The following MYCBP2 variants were observed in gnomAD, a reference collection of about 807,000 sequenced individuals.
MYCBP2 encodes the protein MYC binding protein 2.
MYCBP2 carries 120 observed loss-of-function variants against 525.3 expected under a neutral mutation model. That is an observed-to-expected ratio of 0.23 (90% CI 0.20 to 0.27). MYCBP2 has a LOEUF of 0.27. MYCBP2 is among the 10% of genes least tolerant of loss of function. The probability of loss-of-function intolerance (pLI) is 1.00; values close to 1 mark genes in which losing one functional copy is unlikely to be tolerated. For missense variants in MYCBP2, 4,149 were observed against 5,657.1 expected (o/e 0.73, Z 8.55); for synonymous variants, 1,894 against 1,955.8 (o/e 0.97, Z 0.83).
At position 77,175,503 on chromosome 13, in the gene MYCBP2, T is replaced by A. The variant is rs1381725120; in HGVS notation, c.5472+994A>T. Among the ~76,000 whole-genome samples the A allele has an allele frequency of 2.6e-5, 4 of 152,330 alleles. No homozygotes were observed. In the East Asian group the frequency reaches 7.7e-4, roughly 29 times the overall value. Reference sequence around the variant, plus strand: ...TTTCACAATAAAAGCTTTTTGGTTTTTCAGTATCTAAATTCTTCCTGATGA... The same window carrying A: ...TTTCACAATAAAAGCTTTTTGGTTTATCAGTATCTAAATTCTTCCTGATGA... On this transcript the variant is annotated intron_variant, in intron 36 of 82. Coordinates refer to ENST00000544440, the MANE Select transcript of MYCBP2 (RefSeq NM_015057.5).
rs570505691 is a variant in MYCBP2 at position 77,138,423 on chromosome 13, A to C, written c.7659+773T>G. ...GTTTGATACAATAAGCTAACTTTAT[A>C]AACGGATTTTTAAGAAATTCAACTG... On this transcript the variant is annotated intron_variant, in intron 52 of 82. Transcript: ENST00000544440. 4.8e-4 allele frequency among the ~76,000 whole-genome samples: 73 copies of C among 152,354 alleles called. 1 individual carries two copies. Among genetic ancestry groups the C allele is most frequent in the Admixed American group, 4.7e-3 (72 of 15,306 alleles).
At chr13:77,071,271 G>GCGCACA (rs375003621) in intron 68 of MYCBP2, among the ~76,000 whole-genome samples, 88 of 142,734 alleles carry the variant, frequency 6.2e-4, no homozygotes, top group African/African-American at 2.0e-3. Context: ...GTGTGCACAC[G>GCGCACA]CACACACACA....
intron 14 of MYCBP2, 44 bp from the exon 15 acceptor site, chr13:77,251,399 A>T: frequency 6.6e-7 from 1 of 1,522,712 alleles, no homozygotes; most frequent in Non-Finnish European, 9.1e-7. Context: ...GGTTACTTTC[A>T]TGTATAAAAG....
chr13:77,121,578 A>G, intron 54 of MYCBP2, 83 bp from the exon 55 acceptor site: 1 of 1,297,074 alleles, frequency 7.7e-7, no homozygotes, highest in East Asian at 2.7e-5. Flanking sequence ...ATTGCAAAAG[A>G]TTTTATGATG....
chr13:77,241,811 T>C (rs995125840), intron 17 of MYCBP2, among the ~76,000 whole-genome samples: 2 of 152,158 alleles, frequency 1.3e-5, no homozygotes, highest in African/African-American at 4.8e-5. Flanking sequence ...TATTATACAT[T>C]TTACTACTTA....
rs900883522 is a variant in MYCBP2 at position 77,166,549 on chromosome 13, T to C, written c.6120A>G (p.Thr2040=). 10 of 1,610,556 alleles carry C rather than the reference T, an allele frequency of 6.2e-6. 1 individual carries two copies. The highest frequency in any genetic ancestry group is 1.1e-5 in the South Asian group (1 of 90,622). Residue 2040 remains threonine (T), a synonymous_variant, in exon 41 of 83, where the codon ACA becomes ACG. Transcript: ENST00000544440. ...KPACVMHYKV[T]FPECVRWMTI... is the part of the protein sequence containing the mutation. The stretch of plus-strand genomic sequence containing the variant: ...TCATCCACCTCACACATTCTGGGAA[T>C]GTCACCTGAGGTCAACAGGCAAAGT...
chr13:77,189,181 A>C (rs959489289), intron 29 of MYCBP2, 134 bp from the exon 30 acceptor site: 12 of 545,140 alleles, frequency 2.2e-5, no homozygotes, highest in Non-Finnish European at 3.5e-5. Context: ...ATGCCAATAC[A>C]GGGCTTTTTT....
chr13:77,181,986 T>C, intron 32 of MYCBP2, 64 bp from the exon 33 acceptor site: 1 of 1,268,520 alleles, frequency 7.9e-7, no homozygotes, highest in Non-Finnish European at 1.1e-6. Context: ...TCTAAGTTTC[T>C]GAATACATAA....
rs752174440 is a variant in MYCBP2, at chr13:77,098,384, C to T, written c.8770G>A (p.Val2924Ile). Residue 2924 changes from valine (V) to isoleucine (I), a missense_variant, in exon 56 of 83, where the codon GTA becomes ATA. This residue lies in a region of MYCBP2 where 653 missense variants were observed against 744.7 expected (regional missense o/e 0.88). Coordinates refer to ENST00000544440, the MANE Select transcript of MYCBP2 (RefSeq NM_015057.5). The part of the protein sequence containing the change: ...SENRAPSPHV[V>I]QENLHSEVVE... The stretch of plus-strand genomic sequence containing the variant: ...ACCTCACTGTGGAGGTTTTCCTGTA[C>T]CACATGGGGAGAGGGAGCTCTATTT... 2 of 1,613,458 alleles carry T rather than the reference C, an allele frequency of 1.2e-6. No individual in the cohort carries two copies. Among genetic ancestry groups the T allele is most frequent in the South Asian group, 2.2e-5 (2 of 91,076 alleles).
At chr13:77,302,313 G>C (rs555127477) in intron 1 of MYCBP2, among the ~76,000 whole-genome samples, 91 of 144,474 alleles carry the variant, frequency 6.3e-4, no homozygotes, top group Non-Finnish European at 8.1e-4. Context: ...AGCCAGAGAA[G>C]AGATATGCTT....
At position 77,087,535 on chromosome 13, in the gene MYCBP2, T is replaced by G. The variant is rs1373891791; in HGVS notation, c.10824A>C (p.Pro3608=). The G allele has an allele frequency of 6.2e-7, 1 of 1,613,146 alleles. No individual in the cohort carries two copies. Among genetic ancestry groups the G allele is most frequent in the Non-Finnish European group, 8.5e-7 (1 of 1,179,582 alleles). Residue 3608 remains proline, a synonymous_variant, in exon 62 of 83, where the codon CCA becomes CCC. Transcript: ENST00000544440. Reference sequence around the variant, plus strand: ...TATTTTCTTCATCCTCTTCTTCCTCTGGTTCCACTGGTGCAGGAGTCAGTG... The same window carrying G: ...TATTTTCTTCATCCTCTTCTTCCTCGGGTTCCACTGGTGCAGGAGTCAGTG... ...VASLTPAPVE[P]EEEEDEENKT...
In MYCBP2 at chr13:77,071,271, G is replaced by GCACACACACACA. The variant is rs71814048; in HGVS notation, c.11824-572_11824-561dup. 6.2e-3 allele frequency among the ~76,000 whole-genome samples: 882 copies of GCACACACACACA among 142,710 alleles called. 7 individuals carry two copies. The highest frequency in any genetic ancestry group is 8.2e-3 in the Non-Finnish European group (546 of 66,462). 93.6% of individuals were successfully genotyped at this position (142,710 alleles called of 152,430 possible). A position where few individuals can be genotyped will look rare whatever the true frequency, so the allele number is the denominator to read the frequency against. On this transcript the variant is annotated intron_variant, in intron 68 of 82. Transcript: ENST00000544440. ...TATATGCATGCACGTGTGTGCACAC[G>GCACACACACACA]CACACACACACACACACACACACAC... is the stretch of plus-strand genomic sequence containing the variant.
intron 35 of MYCBP2, among the ~76,000 whole-genome samples, chr13:77,177,487 G>T (rs138535884): frequency 2.0e-5 from 3 of 151,606 alleles, no homozygotes; most frequent in Non-Finnish European, 4.4e-5. Context: ...GATTACAGGC[G>T]TGCGTTGTAT....
At chr13:77,048,861 T>TA (rs3837533) in intron 82 of MYCBP2, among the ~76,000 whole-genome samples, 10,240 of 152,218 alleles carry the variant, frequency 0.067, 388 homozygotes, top group East Asian at 0.11. Flanking sequence ...CTGAGTTCTC[T>TA]AAAGTGTTTC....
chr13:77,264,284 T>C (rs887828320), intron 8 of MYCBP2, among the ~76,000 whole-genome samples: 4 of 151,866 alleles, frequency 2.6e-5, no homozygotes, highest in Non-Finnish European at 5.9e-5. Context: ...ACAGTAAACA[T>C]GCACCACGAT....
chr13:77,065,636 A>T (rs1039765222), intron 72 of MYCBP2, among the ~76,000 whole-genome samples: 1 of 152,226 alleles, frequency 6.6e-6, no homozygotes, highest in Non-Finnish European at 1.5e-5. Flanking sequence ...AACCATGAGG[A>T]CTGAGGAGAA....
At chr13:77,214,260 T>C (rs2064464937) in intron 21 of MYCBP2, among the ~76,000 whole-genome samples, 1 of 152,264 alleles carries the variant, frequency 6.6e-6, no homozygotes, top group African/African-American at 2.4e-5. Context: ...ATTGTTAATA[T>C]CTCACAAAAC....
At position 77,059,573 on chromosome 13, in the gene MYCBP2, C is replaced by T. The variant is rs1307550714; in HGVS notation, c.13090G>A (p.Gly4364Arg). The T allele has an allele frequency of 1.2e-6, 2 of 1,614,124 alleles. No individual in the cohort carries two copies. The highest frequency in any genetic ancestry group is 1.1e-5 in the South Asian group (1 of 91,076). ...CTGCCAACAGCAGATAACTCTGTTC[C>T]ACTCCTGGAACCACAGAAGCGACAT... ...EACRFCGSRS[G>R]TELSAVGSVC... is the part of the protein sequence containing the mutation. Residue 4364 changes from glycine (G) to arginine (R), a missense_variant, in exon 77 of 83, where the codon GGA becomes AGA. This residue lies in a region of MYCBP2 where 220 missense variants were observed against 396.0 expected (regional missense o/e 0.56). Coordinates refer to ENST00000544440, the MANE Select transcript of MYCBP2 (RefSeq NM_015057.5).
chr13:77,125,526 GA>G (rs2051499165), intron 53 of MYCBP2, 58 bp from the exon 54 acceptor site: 2 of 1,590,380 alleles, frequency 1.3e-6, no homozygotes, highest in Admixed American at 3.4e-5. Flanking sequence ...AACTCAGTCT[GA>G]AAACCAGTAA....
Sources: allele counts gnomAD v4.1 joint callset (sites outside exome capture counted in the v4.1 genomes callset), GRCh38; gene constraint gnomAD v4.1.1; regional missense constraint gnomAD v4.1.1; transcripts MANE v1.5; gene names NCBI Gene and HGNC (gene_info 2026-07-23, HGNC 2026-07-21).